ADGRL2: variants seen among roughly 807,000 people sequenced by gnomAD.
ADGRL2 encodes the protein calcium-independent alpha-latrotoxin receptor 2.
In ADGRL2, 44 loss-of-function variants were observed where a neutral mutation model predicts 157.4. The observed-to-expected ratio is 0.28, with a 90% CI of 0.22 to 0.36. The LOEUF (loss-of-function observed/expected upper bound fraction) is 0.36, where lower values mean the gene tolerates loss of function less well. Among genes scored for constraint, ADGRL2 ranks in the 10% least tolerant of loss-of-function variants. The pLI, the probability that ADGRL2 is intolerant of heterozygous loss-of-function variation, is 1.00. For missense variants in ADGRL2, 1,510 were observed against 1,768.9 expected, an observed-to-expected ratio of 0.85 and a Z score of 2.63; for synonymous variants, 585 against 624.7, an observed-to-expected ratio of 0.94 and a Z score of 0.95.
chr1:81,502,951 G>A (rs575871884), intron 2 of ADGRL2: 2 of 1,612,838 alleles, frequency 1.2e-6, no homozygotes, highest in Non-Finnish European at 1.7e-6. Flanking sequence ...TCTCAGGAAA[G>A]GTGATGGAGC....
intron 2 of ADGRL2, among the ~76,000 whole-genome samples, chr1:81,532,923 C>G (rs896000040): frequency 1.3e-5 from 2 of 148,500 alleles, no homozygotes; most frequent in Non-Finnish European, 3.0e-5. Flanking sequence ...GACCCTGTCT[C>G]AAAAAAAACA....
intron 2 of ADGRL2, among the ~76,000 whole-genome samples, chr1:81,896,287 A>G (rs2151526404): frequency 6.6e-6 from 1 of 151,106 alleles, no homozygotes; most frequent in Admixed American, 6.6e-5. Context: ...TATTGATGTT[A>G]AACTGGTTTT....
intron 2 of ADGRL2, among the ~76,000 whole-genome samples, chr1:81,887,714 A>G (rs1309945471): frequency 6.6e-6 from 1 of 152,198 alleles, no homozygotes; most frequent in Non-Finnish European, 1.5e-5. Flanking sequence ...TGTCACATGC[A>G]GATGCATTTT....
chr1:81,894,910 G>T (rs1324288943), intron 2 of ADGRL2, among the ~76,000 whole-genome samples: 2 of 152,066 alleles, frequency 1.3e-5, no homozygotes, highest in East Asian at 3.9e-4. Flanking sequence ...ACAGCCTTAA[G>T]TGGGTAAAAG....
chr1:81,394,968 A>T (rs1198298740), intron 1 of ADGRL2, among the ~76,000 whole-genome samples: 1 of 151,826 alleles, frequency 6.6e-6, no homozygotes, highest in Admixed American at 6.6e-5. Context: ...TCACGATCTC[A>T]GCTCACTGCA....
intron 1 of ADGRL2, among the ~76,000 whole-genome samples, chr1:81,823,810 A>G (rs1283059686): frequency 6.6e-6 from 1 of 152,170 alleles, no homozygotes; most frequent in Non-Finnish European, 1.5e-5. Context: ...CAAGAAAGGT[A>G]TAGAAGTGAG....
chr1:81,419,426 T>C (rs562783312), intron 1 of ADGRL2, among the ~76,000 whole-genome samples: 35 of 152,204 alleles, frequency 2.3e-4, no homozygotes, highest in South Asian at 4.1e-4. Context: ...CAGGCTGGTC[T>C]CGAACTCCTG....
chr1:81,522,265 A>G (rs1432286589), intron 2 of ADGRL2, among the ~76,000 whole-genome samples: 1 of 152,178 alleles, frequency 6.6e-6, no homozygotes, highest in Non-Finnish European at 1.5e-5. Flanking sequence ...GTGCCGGGCC[A>G]TAAATATACT....
chr1:81,911,234 A>G (rs1278743008), intron 3 of ADGRL2, among the ~76,000 whole-genome samples: 1 of 152,196 alleles, frequency 6.6e-6, no homozygotes, highest in East Asian at 1.9e-4. Context: ...AAAAAGTGAG[A>G]AATGAAATGC....
intron 3 of ADGRL2, among the ~76,000 whole-genome samples, chr1:81,643,220 A>G (rs1373276026): frequency 1.3e-5 from 2 of 152,236 alleles, no homozygotes; most frequent in African/African-American, 4.8e-5. Context: ...CCCGGGACTA[A>G]TAAGTGATTA....
intron 2 of ADGRL2, among the ~76,000 whole-genome samples, chr1:81,905,805 A>G (rs1557883142): frequency 1.3e-5 from 2 of 152,192 alleles, no homozygotes; most frequent in Non-Finnish European, 2.9e-5. Context: ...TTGAATTTTC[A>G]CATAGCTTTT....
intron 3 of ADGRL2, among the ~76,000 whole-genome samples, chr1:81,647,744 T>C (rs1053756229): frequency 5.3e-5 from 8 of 152,184 alleles, no homozygotes; most frequent in Non-Finnish European, 1.0e-4. Context: ...TGGTGGGTAA[T>C]GTACCAGAAT....
chr1:81,846,775 A>C (rs2092807040), intron 2 of ADGRL2, among the ~76,000 whole-genome samples: 1 of 151,934 alleles, frequency 6.6e-6, no homozygotes, highest in Non-Finnish European at 1.5e-5. Flanking sequence ...TTGGTTAGAG[A>C]CAATATAGTA....
intron 2 of ADGRL2, among the ~76,000 whole-genome samples, chr1:81,466,868 G>T (rs1259826637): frequency 6.6e-6 from 1 of 152,048 alleles, no homozygotes; most frequent in Non-Finnish European, 1.5e-5. Context: ...ATAAGTAATA[G>T]AAATCAATTA....
intron 3 of ADGRL2, among the ~76,000 whole-genome samples, chr1:81,632,174 T>C (rs2082022294): frequency 6.6e-6 from 1 of 152,196 alleles, no homozygotes; most frequent in African/African-American, 2.4e-5. Flanking sequence ...CCCTAGCCTA[T>C]TGATACCTAT....
intron 2 of ADGRL2, among the ~76,000 whole-genome samples, chr1:81,482,346 A>G (rs1346101293): frequency 6.6e-6 from 1 of 152,218 alleles, no homozygotes; most frequent in East Asian, 1.9e-4. Context: ...TGTCCTTAAA[A>G]ATGTAATTTT....
intron 2 of ADGRL2, among the ~76,000 whole-genome samples, chr1:81,794,089 TC>T (rs2087473871): frequency 6.6e-6 from 1 of 152,192 alleles, no homozygotes. Context: ...ACACGTCTCC[TC>T]ATATATAGCA....
intron 2 of ADGRL2, among the ~76,000 whole-genome samples, chr1:81,843,679 G>C (rs2092684718): frequency 6.6e-6 from 1 of 152,086 alleles, no homozygotes; most frequent in Admixed American, 6.6e-5. Context: ...AGGTAAATAT[G>C]TTACAAATGT....
intron 1 of ADGRL2, among the ~76,000 whole-genome samples, chr1:81,322,552 A>G (rs1266453371): frequency 2.0e-5 from 3 of 152,140 alleles, no homozygotes; most frequent in Non-Finnish European, 4.4e-5. Context: ...GGACTGCTAA[A>G]AAAGAATACC....
Sources: gnomAD v4.1 joint callset for allele counts (sites outside exome capture counted in the v4.1 genomes callset) on GRCh38, gnomAD v4.1.1 for gene constraint, MANE v1.5 for transcripts, NCBI Gene and HGNC (gene_info 2026-07-23, HGNC 2026-07-21) for gene names.